Variants in TOX2 observed in about 807,000 individuals in gnomAD.
The protein encoded by TOX2 is granulosa cell HMG box 1.
A neutral mutation model predicts 47.4 loss-of-function variants in TOX2; 15 were observed. The ratio of observed to expected loss-of-function variants is 0.32; its 90% confidence interval spans 0.21 to 0.49. The LOEUF is 0.49. Among genes scored for constraint, TOX2 ranks in the 20% least tolerant of loss-of-function variants. The probability of loss-of-function intolerance (pLI) is 0.99; values close to 1 mark genes in which losing one functional copy is unlikely to be tolerated. For synonymous variants in TOX2, 290 were observed against 296.6 expected (o/e 0.98, Z 0.23); for missense variants, 622 against 673.1 (o/e 0.92, Z 0.84).
chr20:43,992,134 ATTGC>A (rs2070379080), intron 2 of TOX2, among the ~76,000 whole-genome samples: 1 of 152,182 alleles, frequency 6.6e-6, no homozygotes, highest in African/African-American at 2.4e-5. Flanking sequence ...GGGAAAGGAC[ATTGC>A]AGTAGAGGGA....
At chr20:44,035,020 A>T (rs1215435781) in intron 3 of TOX2, among the ~76,000 whole-genome samples, 1 of 152,088 alleles carries the variant, frequency 6.6e-6, no homozygotes, top group Non-Finnish European at 1.5e-5. Context: ...GCCACTACTC[A>T]TCCCACGCAT....
intron 3 of TOX2, among the ~76,000 whole-genome samples, chr20:44,048,813 C>T (rs1285142841): frequency 6.6e-6 from 1 of 151,704 alleles, no homozygotes; most frequent in African/African-American, 2.4e-5. Context: ...AATGAAGATA[C>T]AATTGTCTGT....
intron 5 of TOX2, among the ~76,000 whole-genome samples, chr20:44,062,129 A>C (rs1209469942): frequency 6.6e-6 from 1 of 152,024 alleles, no homozygotes; most frequent in Non-Finnish European, 1.5e-5. Flanking sequence ...ATCAGACAAG[A>C]GAAAGAAATA....
intron 3 of TOX2, among the ~76,000 whole-genome samples, chr20:44,010,746 G>A (rs1027554611): frequency 1.3e-5 from 2 of 152,144 alleles, no homozygotes; most frequent in African/African-American, 4.8e-5. Context: ...AGCAAACCGA[G>A]GGATAATGAT....
At chr20:44,039,529 G>A (rs2071298846) in intron 3 of TOX2, among the ~76,000 whole-genome samples, 1 of 152,150 alleles carries the variant, frequency 6.6e-6, no homozygotes, top group African/African-American at 2.4e-5. Flanking sequence ...GCTTGAGATA[G>A]CCCTGAAAAC....
chr20:43,948,780 C>T (rs1211410682), intron 1 of TOX2, among the ~76,000 whole-genome samples: 1 of 152,222 alleles, frequency 6.6e-6, no homozygotes, highest in Admixed American at 6.5e-5. Context: ...GGAGTGAATT[C>T]TCCAGCTTCT....
intron 2 of TOX2, among the ~76,000 whole-genome samples, chr20:43,996,421 G>T (rs567055086): frequency 6.6e-6 from 1 of 152,222 alleles, no homozygotes; most frequent in Admixed American, 6.5e-5. Flanking sequence ...CGTGGAGCAG[G>T]CCTGCCCTGG....
chr20:43,988,654 C>T (rs965091139), intron 2 of TOX2, among the ~76,000 whole-genome samples: 2 of 152,212 alleles, frequency 1.3e-5, no homozygotes, highest in Non-Finnish European at 2.9e-5. Flanking sequence ...GGGCAGGGAC[C>T]TGGCACAGGG....
At chr20:43,920,033 A>G (rs1220177340) in intron 1 of TOX2, among the ~76,000 whole-genome samples, 1 of 152,216 alleles carries the variant, frequency 6.6e-6, no homozygotes, top group African/African-American at 2.4e-5. Flanking sequence ...ATGGGGTCCT[A>G]GGAATTTGCA....
At chr20:43,993,209 G>A (rs551123812) in intron 2 of TOX2, among the ~76,000 whole-genome samples, 24 of 142,102 alleles carry the variant, frequency 1.7e-4, no homozygotes, top group Middle Eastern at 7.1e-3. Context: ...TATCCTGAGC[G>A]TAGAGGACAT....
chr20:43,950,971 C>T (rs893414329), intron 1 of TOX2, among the ~76,000 whole-genome samples: 1 of 151,774 alleles, frequency 6.6e-6, no homozygotes, highest in Non-Finnish European at 1.5e-5. Context: ...GAGGTTCAGG[C>T]TAGATTTTGG....
chr20:43,924,470 A>G (rs2069143619), intron 1 of TOX2, among the ~76,000 whole-genome samples: 1 of 152,172 alleles, frequency 6.6e-6, no homozygotes. Flanking sequence ...TGGGTCTCCA[A>G]GGAGCTTCTG....
chr20:44,050,153 A>G (rs1334705377), intron 3 of TOX2, among the ~76,000 whole-genome samples: 3 of 152,208 alleles, frequency 2.0e-5, no homozygotes, highest in Non-Finnish European at 4.4e-5. Context: ...GTATACATGC[A>G]TCAAAACATA....
chr20:44,020,863 CACTG>C (rs1600745228), intron 3 of TOX2, among the ~76,000 whole-genome samples: 1 of 152,292 alleles, frequency 6.6e-6, no homozygotes, highest in East Asian at 1.9e-4. Context: ...GATTTCATCA[CACTG>C]AGGATGGTTG....
At chr20:43,930,447 T>A (rs780506335) in intron 1 of TOX2, among the ~76,000 whole-genome samples, 1 of 152,222 alleles carries the variant, frequency 6.6e-6, no homozygotes, top group Non-Finnish European at 1.5e-5. Flanking sequence ...GAGATATGAC[T>A]CAAGAGGGAT....
intron 3 of TOX2, chr20:44,039,344 C>T (rs1300085834): frequency 2.4e-6 from 3 of 1,272,872 alleles, no homozygotes; most frequent in Non-Finnish European, 3.1e-6. Context: ...AGAGATTGTA[C>T]AGATCCTCAT....
At chr20:43,952,076 A>G (rs2069585736) in intron 1 of TOX2, among the ~76,000 whole-genome samples, 2 of 111,076 alleles carry the variant, frequency 1.8e-5, no homozygotes, top group South Asian at 6.1e-4. Flanking sequence ...TTTTTTTTAA[A>G]ATTTTTAGTA....
At chr20:44,017,425 C>T (rs901459690) in intron 3 of TOX2, among the ~76,000 whole-genome samples, 18 of 152,204 alleles carry the variant, frequency 1.2e-4, no homozygotes, top group Non-Finnish European at 2.4e-4. Flanking sequence ...GCTGTTATTT[C>T]GGCTTCACCA....
chr20:44,053,437 T>TACACAC (rs1447650799), intron 4 of TOX2, among the ~76,000 whole-genome samples: 4 of 67,180 alleles, frequency 6.0e-5, no homozygotes, highest in African/African-American at 2.0e-4. Flanking sequence ...AGGGCAGATA[T>TACACAC]ATACACACAC....
Sources: allele counts gnomAD v4.1 joint callset (sites outside exome capture counted in the v4.1 genomes callset), GRCh38; gene constraint gnomAD v4.1.1; transcripts MANE v1.5; gene names NCBI Gene and HGNC (gene_info 2026-07-23, HGNC 2026-07-21).